Variants in TBL1XR1 observed in about 807,000 individuals in gnomAD.
The protein encoded by TBL1XR1 is F-box-like/WD repeat-containing protein TBL1XR1.
TBL1XR1 carries 5 observed loss-of-function variants against 66.9 expected under a neutral mutation model. That is an observed-to-expected ratio of 0.07 (90% CI 0.04 to 0.16). TBL1XR1 has a LOEUF of 0.16. Ranked by LOEUF, TBL1XR1 falls within the 10% of genes least tolerant of loss-of-function variation. The pLI is 1.00. For missense variants in TBL1XR1, 238 were observed against 623.2 expected (o/e 0.38, Z 6.58); for synonymous variants, 210 against 206.0 (o/e 1.02, Z -0.17).
At chr3:177,102,251 T>G (rs1451723510) in intron 1 of TBL1XR1, among the ~76,000 whole-genome samples, 1 of 152,220 alleles carries the variant, frequency 6.6e-6, no homozygotes, top group African/African-American at 2.4e-5. Context: ...ACCACAATAG[T>G]GATTTAATAG....
intron 1 of TBL1XR1, among the ~76,000 whole-genome samples, chr3:177,126,498 A>G (rs1280004814): frequency 6.6e-6 from 1 of 152,214 alleles, no homozygotes; most frequent in Non-Finnish European, 1.5e-5. Context: ...TCTTCTACTA[A>G]TATGTCCATA....
At chr3:177,106,137 C>G (rs1463581139) in intron 1 of TBL1XR1, among the ~76,000 whole-genome samples, 1 of 151,590 alleles carries the variant, frequency 6.6e-6, no homozygotes, top group African/African-American at 2.4e-5. Context: ...AAAAAGACTT[C>G]AAAACATAAT....
intron 14 of TBL1XR1, among the ~76,000 whole-genome samples, chr3:177,028,518 G>A (rs1713474523): frequency 6.6e-6 from 1 of 151,966 alleles, no homozygotes; most frequent in Admixed American, 6.6e-5. Context: ...TTTTAAAAGA[G>A]GTCATTCATA....
chr3:177,081,773 T>C (rs1211905490), intron 2 of TBL1XR1, among the ~76,000 whole-genome samples: 1 of 151,348 alleles, frequency 6.6e-6, no homozygotes, highest in African/African-American at 2.4e-5. Context: ...TATTTAATAA[T>C]GAAAATACAA....
At chr3:177,030,255 A>G (rs1713779554) in intron 14 of TBL1XR1, among the ~76,000 whole-genome samples, 1 of 151,936 alleles carries the variant, frequency 6.6e-6, no homozygotes, top group Non-Finnish European at 1.5e-5. Flanking sequence ...CCCAATAGGA[A>G]AATAAATTTG....
At chr3:177,117,559 G>A (rs1314572483) in intron 1 of TBL1XR1, among the ~76,000 whole-genome samples, 1 of 152,166 alleles carries the variant, frequency 6.6e-6, no homozygotes, top group Admixed American at 6.5e-5. Context: ...CTTATAGGCA[G>A]CATAAGCTCT....
intron 12 of TBL1XR1, 120 bp from the exon 13 acceptor site, chr3:177,034,445 T>A: frequency 1.7e-6 from 1 of 585,430 alleles, no homozygotes. Flanking sequence ...ATAACCAGAA[T>A]GATGATAGAA....
chr3:177,136,585 C>T (rs1256362402), intron 1 of TBL1XR1, among the ~76,000 whole-genome samples: 1 of 152,194 alleles, frequency 6.6e-6, no homozygotes, highest in African/African-American at 2.4e-5. Flanking sequence ...TGGCCATCCT[C>T]TCAATTTTTA....
At chr3:177,061,741 T>C (rs568898612) in intron 3 of TBL1XR1, among the ~76,000 whole-genome samples, 7 of 152,336 alleles carry the variant, frequency 4.6e-5, no homozygotes, top group Admixed American at 2.0e-4. Flanking sequence ...GTAATTTATA[T>C]CGCATTTCTT....
At chr3:177,028,714 C>T (rs1464837992) in intron 14 of TBL1XR1, among the ~76,000 whole-genome samples, 1 of 152,124 alleles carries the variant, frequency 6.6e-6, no homozygotes, top group African/African-American at 2.4e-5. Flanking sequence ...AAACAAAATC[C>T]AAAATTGTGT....
chr3:177,049,813 T>C (rs1282899263), intron 7 of TBL1XR1, among the ~76,000 whole-genome samples, 184 bp downstream of exon 7: 1 of 152,178 alleles, frequency 6.6e-6, no homozygotes, highest in Non-Finnish European at 1.5e-5. Flanking sequence ...AACCTTGGTC[T>C]GACTAAGGCA....
intron 3 of TBL1XR1, among the ~76,000 whole-genome samples, chr3:177,054,638 C>G (rs1319267093): frequency 2.6e-5 from 4 of 152,010 alleles, no homozygotes; most frequent in Admixed American, 2.6e-4. Context: ...CTTAGGAAAA[C>G]TAAAATAATA....
intron 1 of TBL1XR1, among the ~76,000 whole-genome samples, chr3:177,118,904 A>C (rs781303461): frequency 2.6e-5 from 4 of 152,236 alleles, no homozygotes; most frequent in Non-Finnish European, 4.4e-5. Flanking sequence ...ATAATAACTC[A>C]AGAAAAATGG....
At chr3:177,055,542 C>CG (rs1560123443) in intron 3 of TBL1XR1, among the ~76,000 whole-genome samples, 1 of 1,816 alleles carries the variant, frequency 5.5e-4, no homozygotes, top group Admixed American at 8.2e-3. Flanking sequence ...AGATACCAAT[C>CG]GGGGGGCGGG....
upstream of TBL1XR1, among the ~76,000 whole-genome samples, chr3:177,198,554 C>T (rs145197168): frequency 6.9e-3 from 1,054 of 152,212 alleles, 8 homozygotes; most frequent in Non-Finnish European, 0.011. Flanking sequence ...AGAAGGGAGG[C>T]ACCTCACAGG....
intron 1 of TBL1XR1, among the ~76,000 whole-genome samples, chr3:177,157,650 T>A (rs750510610): frequency 2.6e-5 from 4 of 152,020 alleles, no homozygotes; most frequent in Non-Finnish European, 5.9e-5. Context: ...GGAATTAGAG[T>A]ATGGATGTCT....
At chr3:177,112,099 ATATATATATTTTT>A (rs1560188735) in intron 1 of TBL1XR1, among the ~76,000 whole-genome samples, 2 of 49,226 alleles carry the variant, frequency 4.1e-5, no homozygotes, top group African/African-American at 2.6e-4. Context: ...ATATATATAT[ATATATATATTTTT>A]TTTTTTTTTT....
At chr3:177,119,070 C>A (rs1457163212) in intron 1 of TBL1XR1, among the ~76,000 whole-genome samples, 2 of 152,194 alleles carry the variant, frequency 1.3e-5, no homozygotes, top group Non-Finnish European at 2.9e-5. Flanking sequence ...CTCCTACGTT[C>A]AAGCACTTCT....
upstream of TBL1XR1, among the ~76,000 whole-genome samples, chr3:177,200,479 G>A (rs117496732): frequency 2.1e-4 from 32 of 152,100 alleles, no homozygotes; most frequent in East Asian, 5.8e-3. Context: ...ATGTATTGTC[G>A]CCTCGCCCTC....
Sources: gnomAD v4.1 joint callset for allele counts (sites outside exome capture counted in the v4.1 genomes callset) on GRCh38, gnomAD v4.1.1 for gene constraint, MANE v1.5 for transcripts, NCBI Gene and HGNC (gene_info 2026-07-23, HGNC 2026-07-21) for gene names.